ALK: variants seen among roughly 807,000 people sequenced by gnomAD.
The protein encoded by ALK is ALK receptor tyrosine kinase.
Under a neutral mutation model 163.1 loss-of-function variants are expected in ALK, and 74 were observed. The observed-to-expected ratio is 0.45, with a 90% CI of 0.38 to 0.55. ALK has a LOEUF of 0.55. Ranked by LOEUF, ALK falls within the 20% of genes least tolerant of loss-of-function variation. The probability of loss-of-function intolerance (pLI) is 0.00; values close to 1 mark genes in which losing one functional copy is unlikely to be tolerated. For synonymous variants in ALK, 960 were observed against 843.2 expected, an observed-to-expected ratio of 1.14 and a Z score of -2.40; for missense variants, 2,063 against 2,105.3, an observed-to-expected ratio of 0.98 and a Z score of 0.39.
intron 3 of ALK, among the ~76,000 whole-genome samples, chr2:29,589,032 A>G (rs2148204970): frequency 6.6e-6 from 1 of 152,280 alleles, no homozygotes; most frequent in Admixed American, 6.5e-5. Flanking sequence ...ACATTTATAT[A>G]GCCTGAACAC....
intron 11 of ALK, among the ~76,000 whole-genome samples, chr2:29,251,814 T>G (rs1487465126): frequency 6.6e-6 from 1 of 152,140 alleles, no homozygotes; most frequent in Non-Finnish European, 1.5e-5. Flanking sequence ...AAAAGAGAAT[T>G]GAAAGCTCGG....
chr2:29,213,962 G>T (rs1669531563), intron 24 of ALK, 22 bp downstream of exon 24: 15 of 1,594,090 alleles, frequency 9.4e-6, no homozygotes, highest in Non-Finnish European at 1.3e-5. Context: ...ATGACAGGAA[G>T]AGCACAGTCA....
intron 4 of ALK, among the ~76,000 whole-genome samples, chr2:29,452,330 TTG>T (rs1226527185): frequency 5.0e-5 from 4 of 79,510 alleles, no homozygotes; most frequent in South Asian, 3.8e-4. Context: ...CAAGTTTTTT[TTG>T]TTTTTTTTTT....
intron 1 of ALK, among the ~76,000 whole-genome samples, chr2:29,778,952 G>A (rs546923109): frequency 9.2e-5 from 14 of 151,984 alleles, no homozygotes; most frequent in Admixed American, 7.9e-4. Flanking sequence ...TCAGGAGATC[G>A]AGACCATCCT....
intron 4 of ALK, among the ~76,000 whole-genome samples, chr2:29,385,225 C>T (rs540177386): frequency 6.6e-6 from 1 of 151,280 alleles, no homozygotes; most frequent in South Asian, 2.1e-4. Context: ...TTAAATATTT[C>T]CACCCCCTAA....
intron 15 of ALK, 141 bp from the exon 16 acceptor site, chr2:29,229,207 G>A (rs2148180869): frequency 1.3e-6 from 1 of 759,190 alleles, no homozygotes; most frequent in Admixed American, 2.0e-5. Flanking sequence ...AGTGGGGCCT[G>A]GGGGCTTCAG....
intron 3 of ALK, among the ~76,000 whole-genome samples, chr2:29,684,470 A>G (rs1678178544): frequency 6.6e-6 from 1 of 152,130 alleles, no homozygotes; most frequent in Non-Finnish European, 1.5e-5. Context: ...AATCGATTCC[A>G]CTTCCTCACA....
intron 8 of ALK, among the ~76,000 whole-genome samples, chr2:29,314,916 T>C (rs932248186): frequency 6.6e-6 from 1 of 152,018 alleles, no homozygotes; most frequent in African/African-American, 2.4e-5. Context: ...CATCCGCGGG[T>C]GTCTCAAAGC....
At chr2:29,243,234 A>G (rs1664570531) in intron 12 of ALK, among the ~76,000 whole-genome samples, 1 of 152,290 alleles carries the variant, frequency 6.6e-6, no homozygotes, top group African/African-American at 2.4e-5. Flanking sequence ...ACTGACCCCA[A>G]GAAGAAGCAC....
At chr2:29,419,947 T>A (rs960909230) in intron 4 of ALK, among the ~76,000 whole-genome samples, 1 of 151,168 alleles carries the variant, frequency 6.6e-6, no homozygotes, top group Non-Finnish European at 1.5e-5. Flanking sequence ...TCACTTGAGC[T>A]AAGGAGTTTG....
At chr2:29,382,243 A>C (rs1668917073) in intron 5 of ALK, among the ~76,000 whole-genome samples, 1 of 152,102 alleles carries the variant, frequency 6.6e-6, no homozygotes, top group Non-Finnish European at 1.5e-5. Flanking sequence ...AAAATTAGAG[A>C]GATTTTAGGG....
intron 8 of ALK, among the ~76,000 whole-genome samples, chr2:29,301,775 A>G (rs1293350289): frequency 6.6e-6 from 1 of 152,172 alleles, no homozygotes; most frequent in Admixed American, 6.5e-5. Flanking sequence ...AGCTCTCTCC[A>G]TCTTCCTGTT....
At chr2:29,373,895 C>T (rs1453923746) in intron 5 of ALK, among the ~76,000 whole-genome samples, 2 of 152,160 alleles carry the variant, frequency 1.3e-5, no homozygotes, top group East Asian at 3.9e-4. Flanking sequence ...ACTCTGTGCA[C>T]CCAGTGACCA....
chr2:29,661,700 A>T (rs1320094198), intron 3 of ALK, among the ~76,000 whole-genome samples: 1 of 152,158 alleles, frequency 6.6e-6, no homozygotes, highest in Non-Finnish European at 1.5e-5. Context: ...TGGAGCCAAG[A>T]TTTGTACTCG....
intron 3 of ALK, among the ~76,000 whole-genome samples, chr2:29,676,536 A>G (rs1310302274): frequency 6.6e-6 from 1 of 152,016 alleles, no homozygotes; most frequent in Non-Finnish European, 1.5e-5. Context: ...TCCTTTCTTT[A>G]ATATCACACT....
At chr2:29,890,952 A>C (rs1375542900) in intron 1 of ALK, 2 of 152,236 alleles carry the variant, frequency 1.3e-5, no homozygotes, top group Admixed American at 6.5e-5. Flanking sequence ...CTAAGTTTGA[A>C]TCTCACACCT....
At chr2:29,742,223 T>A (rs997736242) in intron 1 of ALK, among the ~76,000 whole-genome samples, 1 of 152,240 alleles carries the variant, frequency 6.6e-6, no homozygotes, top group African/African-American at 2.4e-5. Context: ...TTAGGTGAGA[T>A]GCCATCTTAA....
chr2:29,658,766 T>A lies in ALK; in HGVS notation c.952+36084A>T, dbSNP rs572927711. ...TGATACAAATTTTCTGAATTATGTGTGCTGCATAATATGTAATACACATAT... is the reference window on the plus strand; with the variant it reads ...TGATACAAATTTTCTGAATTATGTGAGCTGCATAATATGTAATACACATAT... On this transcript the variant is annotated intron_variant, in intron 3 of 28. Transcript: ENST00000389048. Among the ~76,000 whole-genome samples the A allele has an allele frequency of 1.4e-4, 22 of 152,318 alleles. No individual in the cohort carries two copies. The South Asian group carries it at 4.3e-3, about 30-fold the overall frequency.
At chr2:29,689,074 A>AC (rs1466717273) in intron 3 of ALK, among the ~76,000 whole-genome samples, 1 of 151,992 alleles carries the variant, frequency 6.6e-6, no homozygotes, top group East Asian at 1.9e-4. Context: ...GACACCTCCT[A>AC]CCCTTCCTCA....
Sources: gnomAD v4.1 joint callset for allele counts (sites outside exome capture counted in the v4.1 genomes callset) on GRCh38, gnomAD v4.1.1 for gene constraint, MANE v1.5 for transcripts, NCBI Gene and HGNC (gene_info 2026-07-23, HGNC 2026-07-21) for gene names.